The following CACNB2 variants were observed in gnomAD, a reference collection of about 807,000 sequenced individuals.
CACNB2 encodes calcium voltage-gated channel auxiliary subunit beta 2, also known as voltage-dependent L-type calcium channel subunit beta-2.
CACNB2 carries 42 observed loss-of-function variants against 73.3 expected under a neutral mutation model. The observed-to-expected ratio is 0.57, with a 90% confidence interval of 0.45 to 0.74. CACNB2 has a LOEUF of 0.74. CACNB2 is among the 30% of genes least tolerant of loss of function. CACNB2 has a pLI of 0.00. For missense variants in CACNB2, 940 were observed against 853.0 expected, an observed-to-expected ratio of 1.10 and a Z score of -1.27; for synonymous variants, 348 against 310.3, an observed-to-expected ratio of 1.12 and a Z score of -1.28.
rs761190208 is a variant in CACNB2 at position 18,323,970 on chromosome 10, C to G, written c.214-77954C>G. On this transcript the variant is annotated intron_variant, in intron 2 of 13. Transcript: ENST00000324631. ...ATGGCATGTTATATTCCATGAATAG[C>G]CTGCTGATGTACAACAGATAAAACA... Among the ~76,000 whole-genome samples the G allele has an allele frequency of 5.9e-5, 9 of 152,054 alleles. 1 individual carries two copies. The highest frequency in any genetic ancestry group is 4.6e-4 in the Admixed American group (7 of 15,264).
intron 3 of CACNB2, among the ~76,000 whole-genome samples, chr10:18,491,645 G>A (rs1286088660): frequency 6.6e-5 from 10 of 151,996 alleles, no homozygotes; most frequent in Non-Finnish European, 1.0e-4. Flanking sequence ...TCGAACAAGG[G>A]CAAGAGCCCT....
At chr10:18,264,048 T>G (rs969593820) in intron 2 of CACNB2, among the ~76,000 whole-genome samples, 2 of 152,222 alleles carry the variant, frequency 1.3e-5, no homozygotes, top group African/African-American at 4.8e-5. Flanking sequence ...ATAAATACTC[T>G]TAAATTTAAA....
At chr10:18,298,236 G>C (rs981027521) in intron 2 of CACNB2, among the ~76,000 whole-genome samples, 1 of 152,096 alleles carries the variant, frequency 6.6e-6, no homozygotes, top group Non-Finnish European at 1.5e-5. Context: ...GGGCATGGTG[G>C]TGGGCGCCTG....
chr10:18,178,856 G>A (rs1365096420), intron 2 of CACNB2, among the ~76,000 whole-genome samples: 4 of 152,234 alleles, frequency 2.6e-5, no homozygotes, highest in African/African-American at 4.8e-5. Context: ...AGGTTGGATA[G>A]GTCTGGTAAT....
chr10:18,362,792 C>T (rs145782127), intron 2 of CACNB2, among the ~76,000 whole-genome samples: 16 of 152,276 alleles, frequency 1.1e-4, no homozygotes, highest in African/African-American at 2.2e-4. Flanking sequence ...CCTGTAGTCC[C>T]AGCTACTTGG....
chr10:18,381,336 G>A (rs989163797), intron 2 of CACNB2, among the ~76,000 whole-genome samples: 20 of 151,782 alleles, frequency 1.3e-4, no homozygotes, highest in Admixed American at 2.6e-4. Context: ...AAAACCATTT[G>A]GTAATATACC....
At chr10:18,147,930 T>A (rs552933895) in intron 1 of CACNB2, among the ~76,000 whole-genome samples, 106 of 152,142 alleles carry the variant, frequency 7.0e-4, no homozygotes, top group Non-Finnish European at 6.5e-4. Flanking sequence ...TAAAATAAAT[T>A]TAATTTTGTA....
At chr10:18,332,322 A>G (rs2040837869) in intron 2 of CACNB2, among the ~76,000 whole-genome samples, 1 of 152,142 alleles carries the variant, frequency 6.6e-6, no homozygotes, top group Non-Finnish European at 1.5e-5. Flanking sequence ...GTTAGCATGG[A>G]CAGGACTTGG....
At chr10:18,503,483 C>G (rs2050319851) in intron 5 of CACNB2, among the ~76,000 whole-genome samples, 1 of 152,148 alleles carries the variant, frequency 6.6e-6, no homozygotes, top group Non-Finnish European at 1.5e-5. Flanking sequence ...GTAACCCCAG[C>G]TACTTGGGAG....
chr10:18,430,098 A>G (rs2045809691), intron 3 of CACNB2, among the ~76,000 whole-genome samples: 1 of 151,222 alleles, frequency 6.6e-6, no homozygotes, highest in Admixed American at 6.6e-5. Context: ...TTATTTTACA[A>G]TTATTTACTT....
chr10:18,433,874 T>G (rs556097977), intron 3 of CACNB2, among the ~76,000 whole-genome samples: 1 of 5,092 alleles, frequency 2.0e-4, no homozygotes, highest in South Asian at 7.5e-3. Context: ...AAATCAGATT[T>G]TGTTGTTGTT....
At chr10:18,301,727 C>A (rs7898164) in intron 2 of CACNB2, among the ~76,000 whole-genome samples, 8 of 151,576 alleles carry the variant, frequency 5.3e-5, no homozygotes, top group Admixed American at 1.3e-4. Context: ...CAGCTCACTG[C>A]AACCTCCGCC....
chr10:18,475,054 G>A (rs1000334985), intron 3 of CACNB2, among the ~76,000 whole-genome samples: 7 of 149,756 alleles, frequency 4.7e-5, no homozygotes, highest in African/African-American at 7.4e-5. Context: ...GAGAACAGCC[G>A]ACTTACTAGA....
intron 8 of CACNB2, among the ~76,000 whole-genome samples, chr10:18,518,638 A>C (rs1237270992): frequency 6.6e-6 from 1 of 152,214 alleles, no homozygotes; most frequent in African/African-American, 2.4e-5. Flanking sequence ...GATTTCTGCT[A>C]GCTGCAGTGT....
intron 2 of CACNB2, among the ~76,000 whole-genome samples, chr10:18,159,038 C>T (rs2032262030): frequency 6.6e-6 from 1 of 152,048 alleles, no homozygotes; most frequent in Admixed American, 6.6e-5. Flanking sequence ...TTCCTCCCTC[C>T]CTCCCTGTTT....
chr10:18,319,792 C>T (rs535235782), intron 2 of CACNB2, among the ~76,000 whole-genome samples: 4 of 152,174 alleles, frequency 2.6e-5, no homozygotes, highest in African/African-American at 9.6e-5. Context: ...ATGAGGTGAC[C>T]TTTGAGCTGA....
intron 2 of CACNB2, among the ~76,000 whole-genome samples, chr10:18,355,518 T>C (rs1307079644): frequency 6.6e-6 from 1 of 152,180 alleles, no homozygotes; most frequent in Admixed American, 6.5e-5. Context: ...CTTTATTTAA[T>C]TTTTTGATGC....
intron 2 of CACNB2, among the ~76,000 whole-genome samples, chr10:18,192,554 A>T (rs1236198725): frequency 6.6e-6 from 1 of 152,016 alleles, no homozygotes; most frequent in Non-Finnish European, 1.5e-5. Flanking sequence ...TACATTCACG[A>T]TGTTGTGTAA....
chr10:18,224,776 T>G (rs146256335), intron 2 of CACNB2, among the ~76,000 whole-genome samples: 4 of 152,330 alleles, frequency 2.6e-5, no homozygotes, highest in South Asian at 2.1e-4. Flanking sequence ...TGCGGGCTTT[T>G]ACGGCCTGCC....
Sources: allele counts gnomAD v4.1 joint callset (sites outside exome capture counted in the v4.1 genomes callset), GRCh38; gene constraint gnomAD v4.1.1; transcripts MANE v1.5; gene names NCBI Gene and HGNC (gene_info 2026-07-23, HGNC 2026-07-21).